The following IL1RAPL1 variants were observed in gnomAD, a reference collection of about 807,000 sequenced individuals.
The protein encoded by IL1RAPL1 is interleukin 1 receptor accessory protein like 1, also known as interleukin-1 receptor accessory protein-like 1.
Under a neutral mutation model 48.4 loss-of-function variants are expected in IL1RAPL1, and 3 were observed. The ratio of observed to expected loss-of-function variants is 0.06; its 90% CI spans 0.03 to 0.16. The LOEUF (loss-of-function observed/expected upper bound fraction) is 0.16, where lower values mean the gene tolerates loss of function less well. IL1RAPL1 is among the 10% of genes least tolerant of loss of function. The pLI is 1.00. For missense variants in IL1RAPL1, 349 were observed against 530.6 expected, an observed-to-expected ratio of 0.66 and a Z score of 3.36; for synonymous variants, 185 against 187.7, an observed-to-expected ratio of 0.99 and a Z score of 0.12.
rs56826606 is a variant in IL1RAPL1, at chrX:28,962,882, A to ATGTGTG, written c.82+173485_82+173490dup. Among the ~76,000 whole-genome samples the ATGTGTG allele has an allele frequency of 2.1e-3, 203 of 96,023 alleles. 1 individual carries two copies. Among genetic ancestry groups the ATGTGTG allele is most frequent in the African/African-American group, 6.7e-3 (177 of 26,577 alleles). The allele number at this position is 96,023 out of a possible 115,157, so 83.4% of individuals were successfully genotyped here. On this transcript the variant is annotated intron_variant, in intron 2 of 10. Coordinates refer to ENST00000378993, the MANE Select transcript of IL1RAPL1 (RefSeq NM_014271.4). Reference sequence around the variant, plus strand: ...GAGAGATGATTGTGTGTCTGTGTGTATGTGTGTGTGTGTGTGTGTGTGTGT... The same window carrying ATGTGTG: ...GAGAGATGATTGTGTGTCTGTGTGTATGTGTGTGTGTGTGTGTGTGTGTGTGTGTGT...
At chrX:28,850,790 T>C (rs1021842251) in intron 2 of IL1RAPL1, among the ~76,000 whole-genome samples, 5 of 109,924 alleles carry the variant, frequency 4.5e-5, no homozygotes, top group African/African-American at 1.7e-4. Flanking sequence ...GGCCACAAGT[T>C]TTAAAAACCT....
chrX:29,008,535 A>C (rs2147393299), intron 2 of IL1RAPL1, among the ~76,000 whole-genome samples: 1 of 112,637 alleles, frequency 8.9e-6, no homozygotes, highest in South Asian at 3.7e-4. Context: ...TGATTTAATC[A>C]TTTTATAACA....
chrX:28,589,516 G>A, intron 1 of IL1RAPL1, among the ~76,000 whole-genome samples: 1 of 111,353 alleles, frequency 9.0e-6, no homozygotes, highest in Non-Finnish European at 1.9e-5. Flanking sequence ...CCACACCCGT[G>A]GAGAGTCAAA....
chrX:29,376,066 C>T (rs1933617980), intron 3 of IL1RAPL1, among the ~76,000 whole-genome samples: 1 of 111,542 alleles, frequency 9.0e-6, no homozygotes, highest in Non-Finnish European at 1.9e-5. Context: ...ATACAGTTTT[C>T]TCTAGTTTTA....
intron 2 of IL1RAPL1, among the ~76,000 whole-genome samples, chrX:29,157,486 G>T (rs184735894): frequency 2.6e-3 from 287 of 111,897 alleles, no homozygotes; most frequent in African/African-American, 9.0e-3. Flanking sequence ...CTCCTGATCA[G>T]TTGTGTGTAA....
intron 9 of IL1RAPL1, among the ~76,000 whole-genome samples, chrX:29,951,362 T>C (rs1435636030): frequency 8.9e-6 from 1 of 112,082 alleles, no homozygotes; most frequent in Non-Finnish European, 1.9e-5. Flanking sequence ...GAAATCAGGC[T>C]AACCTTCAAG....
chrX:28,818,529 A>T (rs1936894995), intron 2 of IL1RAPL1, among the ~76,000 whole-genome samples: 1 of 110,540 alleles, frequency 9.0e-6, no homozygotes, highest in South Asian at 3.8e-4. Flanking sequence ...TATACATTAT[A>T]TTTTATATGG....
At chrX:29,573,311 G>T (rs755365018) in intron 5 of IL1RAPL1, among the ~76,000 whole-genome samples, 4 of 112,587 alleles carry the variant, frequency 3.6e-5, no homozygotes, top group Non-Finnish European at 7.5e-5. Flanking sequence ...GATTTGGAAA[G>T]AATTTGAAAA....
intron 6 of IL1RAPL1, among the ~76,000 whole-genome samples, chrX:29,888,816 G>A (rs1932219117): frequency 9.0e-6 from 1 of 111,578 alleles, no homozygotes; most frequent in South Asian, 3.7e-4. Flanking sequence ...AATAACAGAG[G>A]TAATCTGAAT....
At chrX:28,742,696 A>T (rs769972509) in intron 1 of IL1RAPL1, among the ~76,000 whole-genome samples, 5 of 112,013 alleles carry the variant, frequency 4.5e-5, no homozygotes, top group African/African-American at 1.6e-4. Flanking sequence ...TAATCATATA[A>T]GTATTCAACA....
At chrX:29,873,214 TA>T (rs200218128) in intron 6 of IL1RAPL1, among the ~76,000 whole-genome samples, 3,976 of 104,604 alleles carry the variant, frequency 0.038, 133 homozygotes, top group African/African-American at 0.12. Context: ...ATGTAGCAAA[TA>T]AAAAAAAAAA....
chrX:29,089,083 G>A (rs1480553629), intron 2 of IL1RAPL1, among the ~76,000 whole-genome samples: 1 of 111,369 alleles, frequency 9.0e-6, no homozygotes, highest in Non-Finnish European at 1.9e-5. Context: ...TTCTTATGTG[G>A]ATCATTTTGT....
rs1364349802 is a variant in IL1RAPL1, at chrX:28,722,591, C to G, written c.-24-66729C>G. ...AATTGAATACCCTTTATTTCTTTCTCCTGCCCGATTGCCCTGGCCAGAACT... is the reference window on the plus strand; with the variant it reads ...AATTGAATACCCTTTATTTCTTTCTGCTGCCCGATTGCCCTGGCCAGAACT... On this transcript the variant is annotated intron_variant, in intron 1 of 10. Coordinates refer to ENST00000378993, the MANE Select transcript of IL1RAPL1 (RefSeq NM_014271.4). Among the ~76,000 whole-genome samples the G allele has an allele frequency of 2.7e-5, 3 of 111,427 alleles. No individual in the cohort carries two copies. The Admixed American group carries it at 2.9e-4, about 11-fold the overall frequency.
chrX:29,081,412 T>C (rs755995954), intron 2 of IL1RAPL1, among the ~76,000 whole-genome samples: 17 of 109,699 alleles, frequency 1.5e-4, no homozygotes, highest in Non-Finnish European at 3.0e-4. Context: ...CATGTTGCCC[T>C]GGCTGGCCTC....
At chrX:28,832,848 G>A (rs1416739742) in intron 2 of IL1RAPL1, among the ~76,000 whole-genome samples, 1 of 85,340 alleles carries the variant, frequency 1.2e-5, no homozygotes, top group African/African-American at 5.6e-5. Context: ...TTTAGATTCA[G>A]GGGGTACATT....
At chrX:29,619,228 C>A (rs2147073275) in intron 5 of IL1RAPL1, among the ~76,000 whole-genome samples, 1 of 111,586 alleles carries the variant, frequency 9.0e-6, no homozygotes, top group African/African-American at 3.2e-5. Context: ...TATAACTAAT[C>A]CTGATTTTTA....
At chrX:29,628,434 G>T (rs1052939697) in intron 5 of IL1RAPL1, among the ~76,000 whole-genome samples, 1 of 111,594 alleles carries the variant, frequency 9.0e-6, no homozygotes, top group Admixed American at 9.5e-5. Context: ...CTGATGCATA[G>T]GGTGCCCTTG....
At chrX:28,767,153 C>T (rs1197765796) in intron 1 of IL1RAPL1, among the ~76,000 whole-genome samples, 1 of 111,389 alleles carries the variant, frequency 9.0e-6, no homozygotes, top group Non-Finnish European at 1.9e-5. Flanking sequence ...TTTACATTTC[C>T]AACAGTGTAT....
chrX:29,320,267 A>C (rs1932795018), intron 3 of IL1RAPL1, among the ~76,000 whole-genome samples: 1 of 111,992 alleles, frequency 8.9e-6, no homozygotes, highest in Non-Finnish European at 1.9e-5. Context: ...GGGAAAGGAT[A>C]CACGACATTA....
Sources: gnomAD v4.1 joint callset for allele counts (sites outside exome capture counted in the v4.1 genomes callset) on GRCh38, gnomAD v4.1.1 for gene constraint, MANE v1.5 for transcripts, NCBI Gene and HGNC (gene_info 2026-07-23, HGNC 2026-07-21) for gene names.